Variants in IL17REL observed in about 807,000 individuals in gnomAD.
IL17REL encodes interleukin-17 receptor E-like protein.
In IL17REL, 36 loss-of-function variants were observed where a neutral mutation model predicts 49.0. The ratio of observed to expected loss-of-function variants is 0.73; its 90% CI spans 0.56 to 0.97. The LOEUF is 0.97. Ranked by LOEUF, IL17REL falls within the 50% of genes least tolerant of loss-of-function variation. The pLI is 0.00. For missense variants in IL17REL, 470 were observed against 453.9 expected (o/e 1.04, Z -0.32); for synonymous variants, 206 against 192.4 (o/e 1.07, Z -0.58).
upstream of IL17REL, among the ~76,000 whole-genome samples, chr22:50,010,745 T>TCTGCC (rs896814022): frequency 2.0e-5 from 3 of 151,736 alleles, no homozygotes; most frequent in Non-Finnish European, 4.4e-5. Flanking sequence ...GTCGCGCGGT[T>TCTGCC]CTGCCCCGCC....
chr22:49,992,963 C>T (rs1164640423), downstream of IL17REL, among the ~76,000 whole-genome samples: 1 of 152,200 alleles, frequency 6.6e-6, no homozygotes. Context: ...ATCGTGCTCC[C>T]AGCCTCATTC....
intron 1 of IL17REL, among the ~76,000 whole-genome samples, chr22:50,003,543 A>AAG (rs71196393): frequency 7.5e-5 from 11 of 147,378 alleles, no homozygotes; most frequent in Non-Finnish European, 1.6e-4. Flanking sequence ...AAAAAAAAAA[A>AAG]GGCTGGGCAT....
chr22:49,996,848 C>T (rs1435667593), exon 13 of IL17REL: 11 of 572,960 alleles, frequency 1.9e-5, no homozygotes, highest in Admixed American at 7.0e-5. Flanking sequence ...AAGTGTACAT[C>T]GGTCCTCCAG....
At chr22:50,010,451 C>T (rs933662240), upstream of IL17REL, among the ~76,000 whole-genome samples, 1 of 152,244 alleles carries the variant, frequency 6.6e-6, no homozygotes, top group African/African-American at 2.4e-5. Context: ...CCCAGTGAGG[C>T]CGCCTGTGTG....
chr22:49,996,801 A>T, exon 13 of IL17REL: 1 of 513,726 alleles, frequency 1.9e-6, no homozygotes. Flanking sequence ...ATGGGCACCC[A>T]CTGGAGCGGA....
At chr22:50,006,830 C>T (rs2061113007) in intron 1 of IL17REL, among the ~76,000 whole-genome samples, 2 of 151,792 alleles carry the variant, frequency 1.3e-5, no homozygotes, top group African/African-American at 4.8e-5. Context: ...TGGCACATGC[C>T]TGTAATCCCA....
intron 1 of IL17REL, among the ~76,000 whole-genome samples, chr22:50,007,787 C>T (rs2061118131): frequency 6.6e-6 from 1 of 152,030 alleles, no homozygotes; most frequent in South Asian, 2.1e-4. Flanking sequence ...GCTTAGAGGT[C>T]CTTGAGGTGA....
upstream of IL17REL, chr22:50,012,712 C>T (rs1049789620): frequency 6.6e-6 from 1 of 152,298 alleles, no homozygotes; most frequent in African/African-American, 2.4e-5. Flanking sequence ...TGCAGGATGC[C>T]CTGTGGCAGC....
At chr22:50,006,421 G>T (rs1019670233) in intron 1 of IL17REL, among the ~76,000 whole-genome samples, 3 of 152,076 alleles carry the variant, frequency 2.0e-5, no homozygotes, top group African/African-American at 7.2e-5. Context: ...GTCCTGGGAC[G>T]TTGAGCCGCT....
At chr22:50,001,201 C>A (rs745893301) in exon 2 of IL17REL, 3 of 1,553,548 alleles carry the variant, frequency 1.9e-6, no homozygotes, top group Non-Finnish European at 2.6e-6. Flanking sequence ...GGACACGGGG[C>A]GTGGCCGGCA....
At chr22:50,001,281 A>G (rs771673873) in intron 1 of IL17REL, 50 bp from the exon 3 acceptor site, 141 of 805,882 alleles carry the variant, frequency 1.7e-4, no homozygotes, top group Non-Finnish European at 1.3e-4. Flanking sequence ...GTGCTCGGAA[A>G]GGCTTTGTGG....
At chr22:49,997,933 G>C (rs1320500219) in intron 9 of IL17REL, 92 bp downstream of exon 11, 7 of 1,529,702 alleles carry the variant, frequency 4.6e-6, no homozygotes, top group Admixed American at 1.9e-5. Context: ...CTAGGCTCCA[G>C]GGCTGGGCAA....
In IL17REL at chr22:50,000,599, A is replaced by G; in HGVS notation, c.220-7T>C. 1 of 1,611,686 alleles carries G rather than the reference A, an allele frequency of 6.2e-7. No individual in the cohort carries two copies. The highest frequency in any genetic ancestry group is 8.5e-7 in the Non-Finnish European group (1 of 1,178,534). ...AGCCAAAGTGCACTTGGAGCTGAGC[A>G]GGTGCAGGTGTGAGCTGCGTGGACT... is the stretch of plus-strand genomic sequence containing the variant. On this transcript the variant is annotated splice_polypyrimidine_tract_variant and splice_region_variant and intron_variant, in intron 3 of 12. Transcript: ENST00000341280.
At chr22:49,999,918 C>A (rs974301676) in exon 5 of IL17REL, 23 of 1,539,164 alleles carry the variant, frequency 1.5e-5, no homozygotes, top group Admixed American at 2.0e-5. Context: ...TGGGCACTTG[C>A]ACCAGAATCG....
At position 50,000,595 on chromosome 22, in the gene IL17REL, G is replaced by C; in HGVS notation, c.220-3C>G. Reference sequence around the variant, plus strand: ...AAGCAGCCAAAGTGCACTTGGAGCTGAGCAGGTGCAGGTGTGAGCTGCGTG... The same window carrying C: ...AAGCAGCCAAAGTGCACTTGGAGCTCAGCAGGTGCAGGTGTGAGCTGCGTG... On this transcript the variant is annotated splice_polypyrimidine_tract_variant and splice_region_variant and intron_variant, in intron 3 of 12. Coordinates refer to ENST00000341280, the Ensembl canonical transcript of IL17REL. 6.2e-7 allele frequency: 1 copy of C among 1,611,108 alleles called. No individual in the cohort carries two copies. Among genetic ancestry groups the C allele is most frequent in the African/African-American group, 1.3e-5 (1 of 75,046 alleles).
At chr22:50,012,177 G>A (rs530710371), upstream of IL17REL, among the ~76,000 whole-genome samples, 44 of 152,184 alleles carry the variant, frequency 2.9e-4, no homozygotes, top group Non-Finnish European at 5.4e-4. Flanking sequence ...TGTTTCCTTG[G>A]CAGGTGTCTA....
intron 5 of IL17REL, 69 bp downstream of exon 7, chr22:49,999,759 G>C (rs1320162413): frequency 2.4e-6 from 3 of 1,231,282 alleles, no homozygotes; most frequent in Non-Finnish European, 3.1e-6. Flanking sequence ...GCCTAAGGCT[G>C]ACCGGGGCCC....
chr22:49,997,813 C>T, intron 9 of IL17REL, 71 bp from the exon 12 acceptor site: 1 of 1,516,208 alleles, frequency 6.6e-7, no homozygotes, highest in South Asian at 1.1e-5. Context: ...GGGGCAGGGA[C>T]AGGGACAGGC....
intron 1 of IL17REL, among the ~76,000 whole-genome samples, chr22:50,006,528 A>C (rs1382842359): frequency 6.6e-6 from 1 of 152,124 alleles, no homozygotes; most frequent in Non-Finnish European, 1.5e-5. Flanking sequence ...CAGGCCAAGC[A>C]GGCGAAAAAA....
Sources: allele counts gnomAD v4.1 joint callset (sites outside exome capture counted in the v4.1 genomes callset), GRCh38; gene constraint gnomAD v4.1.1; transcripts MANE v1.5; gene names NCBI Gene and HGNC (gene_info 2026-07-23, HGNC 2026-07-21).